The following SEMA3E variants were observed in gnomAD, a reference collection of about 807,000 sequenced individuals.
The protein encoded by SEMA3E is semaphorin-3E.
In SEMA3E, 49 loss-of-function variants were observed where a neutral mutation model predicts 93.6. That is an observed-to-expected ratio of 0.52 (90% CI 0.42 to 0.66). The LOEUF is 0.66. Ranked by LOEUF, SEMA3E falls within the 30% of genes least tolerant of loss-of-function variation. The pLI, the probability that SEMA3E is intolerant of heterozygous loss-of-function variation, is 0.00. For synonymous variants in SEMA3E, 363 were observed against 330.7 expected, an observed-to-expected ratio of 1.10 and a Z score of -1.06; for missense variants, 906 against 964.8, an observed-to-expected ratio of 0.94 and a Z score of 0.81.
chr7:83,389,719 TA>T (rs1434156709), intron 14 of SEMA3E, among the ~76,000 whole-genome samples: 1 of 149,112 alleles, frequency 6.7e-6, no homozygotes, highest in Non-Finnish European at 1.5e-5. Context: ...TACACGTATA[TA>T]TTACATGTAT....
rs1324637406 is a variant in SEMA3E, at chr7:83,367,636, G to A, written c.2278C>T (p.Arg760Cys). 4 of 1,614,096 alleles carry A rather than the reference G, an allele frequency of 2.5e-6. No individual in the cohort carries two copies. The highest frequency in any genetic ancestry group is 1.7e-5 in the Admixed American group (1 of 60,012). ...AGGCGGTAATGCTCAGGTTTGGAACGGAGCTTCTTTTCCTGAGGGTTGGCA... is the reference window on the plus strand; with the variant it reads ...AGGCGGTAATGCTCAGGTTTGGAACAGAGCTTCTTTTCCTGAGGGTTGGCA... ...KYANPQEKKL[R>C]SKPEHYRLPR... Residue 760 changes from arginine to cysteine, a missense_variant, in exon 17 of 17, where the codon CGT (arginine) becomes TGT (cysteine). Transcript: ENST00000643230.
chr7:83,510,830 T>C (rs1790802118), intron 1 of SEMA3E, among the ~76,000 whole-genome samples: 1 of 152,190 alleles, frequency 6.6e-6, no homozygotes, highest in Non-Finnish European at 1.5e-5. Flanking sequence ...AGTTGACATT[T>C]GGTGAAATGT....
At chr7:83,438,515 T>A (rs1016827352) in intron 4 of SEMA3E, among the ~76,000 whole-genome samples, 2 of 152,096 alleles carry the variant, frequency 1.3e-5, no homozygotes, top group Admixed American at 6.6e-5. Flanking sequence ...TTTTAACAGT[T>A]ACACACATGC....
chr7:83,452,902 T>C (rs1472731233), intron 4 of SEMA3E, among the ~76,000 whole-genome samples: 3 of 152,178 alleles, frequency 2.0e-5, no homozygotes, highest in African/African-American at 7.2e-5. Flanking sequence ...CACTGAAAAG[T>C]ATCTTTTGAT....
intron 2 of SEMA3E, among the ~76,000 whole-genome samples, chr7:83,479,552 A>G (rs1178923462): frequency 6.6e-6 from 1 of 152,234 alleles, no homozygotes; most frequent in Admixed American, 6.5e-5. Context: ...AGCTTCAGTT[A>G]TAACAATGAA....
At chr7:83,626,178 G>T (rs535175565) in intron 1 of SEMA3E, among the ~76,000 whole-genome samples, 2 of 152,246 alleles carry the variant, frequency 1.3e-5, no homozygotes, top group South Asian at 4.1e-4. Context: ...TTTTGTGTGT[G>T]TGTCTCTTCC....
intron 2 of SEMA3E, among the ~76,000 whole-genome samples, chr7:83,485,471 C>A (rs1444676340): frequency 1.3e-5 from 2 of 152,116 alleles, no homozygotes; most frequent in Admixed American, 6.5e-5. Flanking sequence ...TCCCAATTCA[C>A]TATGGTACTT....
In SEMA3E at chr7:83,631,993, TA is replaced by T. The variant is rs571052866; in HGVS notation, c.115+16434del. On this transcript the variant is annotated intron_variant, in intron 1 of 16. Transcript: ENST00000643230. ...CAACATGGAGAAACCCCATCTCTAC[TA>T]AAAATACAAAATTAGCCGGGCATGG... Among the ~76,000 whole-genome samples the T allele has an allele frequency of 3.7e-3, 555 of 152,020 alleles. 4 individuals carry two copies. The highest frequency in any genetic ancestry group is 0.012 in the African/African-American group (518 of 41,474).
At chr7:83,409,497 C>T (rs1022726318) in intron 5 of SEMA3E, among the ~76,000 whole-genome samples, 1 of 152,084 alleles carries the variant, frequency 6.6e-6, no homozygotes, top group African/African-American at 2.4e-5. Flanking sequence ...TAATGAGTGG[C>T]ATATAACATT....
intron 4 of SEMA3E, among the ~76,000 whole-genome samples, chr7:83,458,555 C>T (rs1383271732): frequency 6.6e-6 from 1 of 151,886 alleles, no homozygotes; most frequent in African/African-American, 2.4e-5. Flanking sequence ...ACATCTGAAC[C>T]GTATGTGCAA....
rs1200817026 is a variant in SEMA3E, at chr7:83,407,109, C to T, written c.801G>A (p.Gly267=). The change falls in exon 7 of 17, where the codon GGG becomes GGA. Residue 267 remains glycine (G), a synonymous_variant. Transcript: ENST00000643230. The part of the protein sequence containing the change: ...NNAHAIYTRV[G]RLCVNDVGGQ... Reference sequence around the variant, plus strand: ...GAGAAAGCCTCACCACACAGAGTCGCCCGACCCTGGTGTAAATTGCGTGAG... The same window carrying T: ...GAGAAAGCCTCACCACACAGAGTCGTCCGACCCTGGTGTAAATTGCGTGAG... The T allele has an allele frequency of 6.2e-7, 1 of 1,613,460 alleles. No individual in the cohort carries two copies. Among genetic ancestry groups the T allele is most frequent in the Admixed American group, 1.7e-5 (1 of 59,922 alleles).
intron 2 of SEMA3E, among the ~76,000 whole-genome samples, chr7:83,480,923 A>G (rs991604382): frequency 6.6e-5 from 10 of 152,304 alleles, no homozygotes; most frequent in Admixed American, 2.6e-4. Flanking sequence ...GGGAAGAAAC[A>G]TATACATTTA....
At chr7:83,524,520 G>T (rs988389600) in intron 1 of SEMA3E, among the ~76,000 whole-genome samples, 1 of 152,062 alleles carries the variant, frequency 6.6e-6, no homozygotes, top group Non-Finnish European at 1.5e-5. Context: ...CTAGAAGCAG[G>T]TGGTGTGTTT....
rs375273864 is a variant in SEMA3E at position 83,417,878 on chromosome 7, G to A, written c.550+512C>T. On this transcript the variant is annotated intron_variant, in intron 5 of 16. Coordinates refer to ENST00000643230, the MANE Select transcript of SEMA3E (RefSeq NM_012431.3). The stretch of plus-strand genomic sequence containing the variant: ...ATGTACATTTAGTGATAGGTTGAGC[G>A]GATCAACTTCTATAGTTTACATTCT... Among the ~76,000 whole-genome samples, 27 of 152,054 alleles carry A rather than the reference G, an allele frequency of 1.8e-4. No individual in the cohort carries two copies. In the Middle Eastern group the frequency reaches 0.014, roughly 77 times the overall value.
In SEMA3E at chr7:83,460,626, T is replaced by TTCACCCTTAGCGGCAAGTCCC. The variant is rs1789591982; in HGVS notation, c.456+5855_456+5856insGGGACTTGCCGCTAAGGGTGA. Among the ~76,000 whole-genome samples the TTCACCCTTAGCGGCAAGTCCC allele has an allele frequency of 6.9e-3, 402 of 58,368 alleles. 2 individuals carry two copies. Among genetic ancestry groups the TTCACCCTTAGCGGCAAGTCCC allele is most frequent in the African/African-American group, 0.017 (390 of 23,246 alleles). 38.3% of individuals were successfully genotyped at this position (58,368 alleles called of 152,430 possible). On this transcript the variant is annotated intron_variant, in intron 4 of 16. Transcript: ENST00000643230. ...TCTCTCCTTGTCTCTACCCCTTCTC[T>TTCACCCTTAGCGGCAAGTCCC]GCTTTTCTGGGGGAGGGGCAAGCAC...
At chr7:83,612,925 T>C (rs1793293602) in intron 1 of SEMA3E, among the ~76,000 whole-genome samples, 1 of 143,852 alleles carries the variant, frequency 7.0e-6, no homozygotes, top group African/African-American at 2.5e-5. Context: ...GAATGATCTT[T>C]CAAAACTCAT....
At chr7:83,590,244 T>C (rs1693374) in intron 1 of SEMA3E, among the ~76,000 whole-genome samples, 1 of 152,172 alleles carries the variant, frequency 6.6e-6, no homozygotes, top group Non-Finnish European at 1.5e-5. Context: ...AGATTTACTG[T>C]GTATCATTCT....
intron 1 of SEMA3E, among the ~76,000 whole-genome samples, chr7:83,492,121 T>C (rs1790397262): frequency 6.6e-6 from 1 of 152,080 alleles, no homozygotes; most frequent in South Asian, 2.1e-4. Context: ...TGTGTACAAC[T>C]GATGAAAGGA....
intron 1 of SEMA3E, among the ~76,000 whole-genome samples, chr7:83,491,038 T>C (rs976458860): frequency 2.6e-5 from 4 of 152,072 alleles, no homozygotes; most frequent in Non-Finnish European, 5.9e-5. Flanking sequence ...AGGCCTAGAC[T>C]CTGGATGCTA....
Sources: allele counts gnomAD v4.1 joint callset (sites outside exome capture counted in the v4.1 genomes callset), GRCh38; gene constraint gnomAD v4.1.1; transcripts MANE v1.5; gene names NCBI Gene and HGNC (gene_info 2026-07-23, HGNC 2026-07-21).